DLGAP1: variants seen among roughly 807,000 people sequenced by gnomAD.
The protein encoded by DLGAP1 is DLG associated protein 1, also known as disks large-associated protein 1.
DLGAP1 carries 11 observed loss-of-function variants against 90.8 expected under a neutral mutation model. That is an observed-to-expected ratio of 0.12 (90% confidence interval 0.08 to 0.20). The LOEUF (loss-of-function observed/expected upper bound fraction) is 0.20. Among genes scored for constraint, DLGAP1 ranks in the 10% least tolerant of loss-of-function variants. DLGAP1 has a pLI of 1.00. For synonymous variants in DLGAP1, 558 were observed against 540.7 expected (o/e 1.03, Z -0.44); for missense variants, 1,050 against 1,333.8 (o/e 0.79, Z 3.31).
chr18:4,381,999 C>T (rs1213165418), intron 1 of DLGAP1, among the ~76,000 whole-genome samples: 1 of 152,082 alleles, frequency 6.6e-6, no homozygotes, highest in African/African-American at 2.4e-5. Flanking sequence ...ACCGTGAGAT[C>T]TCATGAGACT....
At chr18:3,791,640 A>T (rs2065740618) in intron 5 of DLGAP1, among the ~76,000 whole-genome samples, 1 of 152,254 alleles carries the variant, frequency 6.6e-6, no homozygotes, top group Non-Finnish European at 1.5e-5. Flanking sequence ...ATTATGCAAT[A>T]CATGGCATTA....
intron 2 of DLGAP1, among the ~76,000 whole-genome samples, chr18:4,064,171 T>C (rs182544722): frequency 8.5e-5 from 13 of 152,128 alleles, no homozygotes; most frequent in Admixed American, 2.6e-4. Context: ...TTTTTTCCAC[T>C]AATGAATTCT....
chr18:4,403,042 T>G (rs2082589488), intron 1 of DLGAP1, among the ~76,000 whole-genome samples: 1 of 152,236 alleles, frequency 6.6e-6, no homozygotes, highest in South Asian at 2.1e-4. Flanking sequence ...TCTTACCATT[T>G]CTTTTTCTTC....
intron 7 of DLGAP1, among the ~76,000 whole-genome samples, chr18:3,587,487 A>G (rs2055958015): frequency 6.6e-6 from 1 of 152,188 alleles, no homozygotes; most frequent in African/African-American, 2.4e-5. Flanking sequence ...ACCAATCGGC[A>G]CTCTGTAAAA....
At position 4,203,420 on chromosome 18, in the gene DLGAP1, C is replaced by T. The variant is rs146405052; in HGVS notation, c.-266-52133G>A. ...TTGTCATGAGGAAATATTTTAAGAA[C>T]GGGTAGAATCGAGTTCCATTTTTCA... On this transcript the variant is annotated intron_variant, in intron 1 of 12. Coordinates refer to ENST00000315677, the MANE Select transcript of DLGAP1 (RefSeq NM_004746.4). 2.2e-3 allele frequency among the ~76,000 whole-genome samples: 334 copies of T among 152,126 alleles called. 2 individuals carry two copies. Among genetic ancestry groups the T allele is most frequent in the African/African-American group, 7.5e-3 (310 of 41,490 alleles).
chr18:3,748,498 G>C (rs1165283038), intron 5 of DLGAP1, among the ~76,000 whole-genome samples: 1 of 152,194 alleles, frequency 6.6e-6, no homozygotes, highest in Non-Finnish European at 1.5e-5. Flanking sequence ...CCATCTTATG[G>C]AGCCATCTGC....
At chr18:3,823,560 G>T (rs2067538925) in intron 4 of DLGAP1, among the ~76,000 whole-genome samples, 1 of 152,090 alleles carries the variant, frequency 6.6e-6, no homozygotes, top group Non-Finnish European at 1.5e-5. Context: ...TTCACACCAG[G>T]CTGCTGTCTA....
At chr18:3,960,041 C>A (rs1376087919) in intron 3 of DLGAP1, among the ~76,000 whole-genome samples, 9 of 152,124 alleles carry the variant, frequency 5.9e-5, no homozygotes, top group South Asian at 2.1e-4. Context: ...TCAGGAAAAT[C>A]CTCCCCTGAG....
intron 1 of DLGAP1, among the ~76,000 whole-genome samples, chr18:4,257,365 G>A (rs552604090): frequency 3.9e-5 from 6 of 152,180 alleles, no homozygotes; most frequent in East Asian, 3.9e-4. Context: ...CTGGTTACCC[G>A]GTTAAATCTA....
intron 1 of DLGAP1, among the ~76,000 whole-genome samples, chr18:4,345,061 C>T (rs572457832): frequency 6.6e-6 from 1 of 152,270 alleles, no homozygotes; most frequent in African/African-American, 2.4e-5. Flanking sequence ...CTTGAGAGGG[C>T]AAACCTTTGG....
intron 2 of DLGAP1, among the ~76,000 whole-genome samples, chr18:4,105,997 A>T (rs370498567): frequency 7.3e-6 from 1 of 136,872 alleles, no homozygotes; most frequent in African/African-American, 2.7e-5. Context: ...GCGCCACTGC[A>T]CTCCAGCCTG....
chr18:3,748,598 C>T (rs944882601), intron 5 of DLGAP1, among the ~76,000 whole-genome samples: 10 of 152,190 alleles, frequency 6.6e-5, no homozygotes, highest in African/African-American at 2.4e-4. Flanking sequence ...CCAGAGGAAA[C>T]ATTTTATGGC....
intron 2 of DLGAP1, among the ~76,000 whole-genome samples, chr18:4,072,928 G>A (rs180913444): frequency 2.6e-5 from 4 of 152,244 alleles, no homozygotes; most frequent in Non-Finnish European, 4.4e-5. Flanking sequence ...ATAGGGTCCC[G>A]GAGTTAGTAA....
At chr18:4,106,022 G>A (rs1325698984) in intron 2 of DLGAP1, among the ~76,000 whole-genome samples, 4 of 129,250 alleles carry the variant, frequency 3.1e-5, no homozygotes, top group Admixed American at 2.6e-4. Flanking sequence ...ACAGAGCGAG[G>A]GTCCGTCTCA....
chr18:4,280,491 TATCCAGTTA>T (rs2079523265), intron 1 of DLGAP1, among the ~76,000 whole-genome samples: 1 of 152,202 alleles, frequency 6.6e-6, no homozygotes, highest in Non-Finnish European at 1.5e-5. Flanking sequence ...TATCACAATA[TATCCAGTTA>T]ATGGTAGAGA....
intron 3 of DLGAP1, among the ~76,000 whole-genome samples, chr18:4,001,034 A>G (rs1006056797): frequency 6.6e-6 from 1 of 151,984 alleles, no homozygotes; most frequent in African/African-American, 2.4e-5. Flanking sequence ...AACTTCTATT[A>G]TATGTTCATT....
intron 2 of DLGAP1, among the ~76,000 whole-genome samples, chr18:4,097,620 G>T (rs2075705379): frequency 6.6e-6 from 1 of 152,050 alleles, no homozygotes; most frequent in South Asian, 2.1e-4. Flanking sequence ...GCAACAGATA[G>T]TTATATTCTG....
At chr18:4,204,680 T>C (rs2077684556) in intron 1 of DLGAP1, among the ~76,000 whole-genome samples, 1 of 152,216 alleles carries the variant, frequency 6.6e-6, no homozygotes, top group Admixed American at 6.5e-5. Context: ...TAATTAGTTT[T>C]AAGAGGTTTG....
At chr18:3,670,524 G>A (rs989658077) in intron 7 of DLGAP1, among the ~76,000 whole-genome samples, 1 of 152,150 alleles carries the variant, frequency 6.6e-6, no homozygotes, top group Non-Finnish European at 1.5e-5. Context: ...TTACATGAGT[G>A]TAATCTCTAC....
Sources: gnomAD v4.1 joint callset for allele counts (sites outside exome capture counted in the v4.1 genomes callset) on GRCh38, gnomAD v4.1.1 for gene constraint, MANE v1.5 for transcripts, NCBI Gene and HGNC (gene_info 2026-07-23, HGNC 2026-07-21) for gene names.